Variants in FGF12 observed in about 807,000 individuals in gnomAD.
FGF12 encodes the protein fibroblast growth factor 12B.
A neutral mutation model predicts 23.6 loss-of-function variants in FGF12; 14 were observed. The observed-to-expected ratio is 0.59, with a 90% CI of 0.39 to 0.93. FGF12 has a LOEUF of 0.93. FGF12 is among the 40% of genes least tolerant of loss of function. FGF12 has a pLI of 0.00. For missense variants in FGF12, 175 were observed against 217.8 expected (o/e 0.80, Z 1.24); for synonymous variants, 62 against 77.3 (o/e 0.80, Z 1.04).
At chr3:192,620,417 G>A (rs1385069349) in intron 2 of FGF12, among the ~76,000 whole-genome samples, 1 of 152,096 alleles carries the variant, frequency 6.6e-6, no homozygotes, top group Non-Finnish European at 1.5e-5. Context: ...CCCAGTGGCT[G>A]TAACATACTA....
rs958480349 is a variant in FGF12 at position 192,390,738 on chromosome 3, G to A, written c.14-30200C>T. On this transcript the variant is annotated intron_variant, in intron 2 of 5. Coordinates refer to ENST00000445105, the MANE Select transcript of FGF12 (RefSeq NM_004113.6). ...AAAACGTTACAGAGATACAGTCAAC[G>A]AGGCGTGTGACTGATATGAAGAGAT... Among the ~76,000 whole-genome samples the A allele has an allele frequency of 1.1e-4, 17 of 152,278 alleles. 1 individual carries two copies. In the South Asian group the frequency reaches 3.3e-3, roughly 30 times the overall value.
At chr3:192,292,760 TG>T (rs1714824134) in intron 4 of FGF12, among the ~76,000 whole-genome samples, 1 of 152,138 alleles carries the variant, frequency 6.6e-6, no homozygotes. Context: ...ACATACCAGT[TG>T]AACAAGGGAC....
rs1053712324 is a variant in FGF12, at chr3:192,633,972, G to T, written c.13+93209C>A. 3.3e-5 allele frequency among the ~76,000 whole-genome samples: 5 copies of T among 152,238 alleles called. No individual in the cohort carries two copies. The South Asian group carries it at 1.0e-3, about 32-fold the overall frequency. ...TCTCCTGAAATCCCTGTCTGCTCAG[G>T]TCATATCTGCATGCTCAAAATCCAT... is the stretch of plus-strand genomic sequence containing the variant. On this transcript the variant is annotated intron_variant, in intron 2 of 5. Coordinates refer to ENST00000445105, the MANE Select transcript of FGF12 (RefSeq NM_004113.6).
At chr3:192,671,798 C>T (rs200958752) in intron 2 of FGF12, among the ~76,000 whole-genome samples, 7 of 114,904 alleles carry the variant, frequency 6.1e-5, no homozygotes, top group Admixed American at 1.7e-4. Flanking sequence ...CACACACACA[C>T]ACACATACAC....
intron 2 of FGF12, among the ~76,000 whole-genome samples, chr3:192,590,230 A>G (rs540510177): frequency 7.2e-5 from 11 of 151,940 alleles, no homozygotes; most frequent in African/African-American, 2.4e-4. Context: ...CAGTATATGT[A>G]TGGAACCAGG....
intron 2 of FGF12, among the ~76,000 whole-genome samples, chr3:192,442,796 CAT>C (rs1297270963): frequency 6.6e-6 from 1 of 151,028 alleles, no homozygotes; most frequent in African/African-American, 2.4e-5. Flanking sequence ...ATGGGAGCCA[CAT>C]GTATTCTATC....
At chr3:192,502,862 G>T (rs1013257) in intron 2 of FGF12, among the ~76,000 whole-genome samples, 5 of 152,166 alleles carry the variant, frequency 3.3e-5, no homozygotes, top group Admixed American at 6.5e-5. Flanking sequence ...GGCTCTTCTA[G>T]GGAAGCACAT....
At chr3:192,265,623 C>T (rs983797657) in intron 4 of FGF12, among the ~76,000 whole-genome samples, 1 of 152,004 alleles carries the variant, frequency 6.6e-6, no homozygotes, top group Admixed American at 6.6e-5. Context: ...TAAAATTTAA[C>T]TTTCAATATC....
At position 192,457,422 on chromosome 3, in the gene FGF12, T is replaced by C. The variant is rs1722714424; in HGVS notation, c.14-96884A>G. 2.6e-5 allele frequency among the ~76,000 whole-genome samples: 4 copies of C among 152,180 alleles called. No individual in the cohort carries two copies. The South Asian group carries it at 8.3e-4, about 32-fold the overall frequency. ...GTTTTGACTACAATGCTGATAGTGA[T>C]ATGAACAATAAGGTCCAGGCTGAGA... is the stretch of plus-strand genomic sequence containing the variant. On this transcript the variant is annotated intron_variant, in intron 2 of 5. Transcript: ENST00000445105.
intron 4 of FGF12, among the ~76,000 whole-genome samples, chr3:192,218,401 T>C (rs567394974): frequency 3.9e-4 from 60 of 152,282 alleles, no homozygotes; most frequent in Middle Eastern, 3.4e-3. Flanking sequence ...TGGGAGGTGA[T>C]GGATCATGCG....
intron 2 of FGF12, among the ~76,000 whole-genome samples, chr3:192,402,289 C>T (rs974333116): frequency 4.6e-5 from 7 of 152,194 alleles, no homozygotes; most frequent in African/African-American, 1.7e-4. Context: ...GGCACCCCTT[C>T]ATATCATCAA....
intron 4 of FGF12, among the ~76,000 whole-genome samples, chr3:192,317,057 A>ATC: frequency 6.6e-6 from 1 of 152,102 alleles, no homozygotes. Flanking sequence ...CAGCTAACTA[A>ATC]AGAGCCCTTG....
intron 4 of FGF12, among the ~76,000 whole-genome samples, 154 bp from the exon 5 acceptor site, chr3:192,170,810 A>T (rs1715515585): frequency 1.3e-5 from 2 of 152,204 alleles, no homozygotes; most frequent in Admixed American, 1.3e-4. Context: ...GGTTACAAAG[A>T]TTCATCATAC....
chr3:192,574,888 G>T (rs551106543), intron 2 of FGF12, among the ~76,000 whole-genome samples: 1 of 152,142 alleles, frequency 6.6e-6, no homozygotes, highest in Non-Finnish European at 1.5e-5. Context: ...CAGCTAAGCC[G>T]CTCCCAAATG....
intron 4 of FGF12, among the ~76,000 whole-genome samples, chr3:192,301,094 T>C (rs1715324341): frequency 6.6e-6 from 1 of 152,104 alleles, no homozygotes; most frequent in African/African-American, 2.4e-5. Flanking sequence ...AGAGGTCACT[T>C]TCCATAAGGA....
chr3:192,712,471 G>GA (rs1718722888), intron 2 of FGF12, among the ~76,000 whole-genome samples: 1 of 149,912 alleles, frequency 6.7e-6, no homozygotes, highest in Admixed American at 6.6e-5. Context: ...AAAACACTGA[G>GA]AAAAAAGAAT....
At chr3:192,530,605 A>G (rs574691766) in intron 2 of FGF12, among the ~76,000 whole-genome samples, 2 of 152,320 alleles carry the variant, frequency 1.3e-5, no homozygotes, top group South Asian at 4.1e-4. Context: ...GGAGAAATCT[A>G]AGAAAATTGG....
intron 2 of FGF12, among the ~76,000 whole-genome samples, chr3:192,724,146 G>T (rs1381238985): frequency 1.3e-5 from 2 of 151,870 alleles, no homozygotes; most frequent in Non-Finnish European, 1.5e-5. Context: ...GAAGGAAAAA[G>T]CCTGTTTCCT....
intron 4 of FGF12, chr3:192,266,887 G>A (rs950814164): frequency 1.3e-5 from 2 of 151,594 alleles, no homozygotes; most frequent in Non-Finnish European, 1.5e-5. Flanking sequence ...AAGAAACTCA[G>A]GGAAAAAATC....
Sources: allele counts gnomAD v4.1 joint callset (sites outside exome capture counted in the v4.1 genomes callset), GRCh38; gene constraint gnomAD v4.1.1; transcripts MANE v1.5; gene names NCBI Gene and HGNC (gene_info 2026-07-23, HGNC 2026-07-21).